TSHZ2: variants seen among roughly 807,000 people sequenced by gnomAD.
TSHZ2 encodes the protein teashirt homolog 2.
TSHZ2 carries 21 observed loss-of-function variants against 74.4 expected under a neutral mutation model. The observed-to-expected ratio is 0.28, with a 90% CI of 0.20 to 0.41. The LOEUF is 0.41. TSHZ2 is among the 10% of genes least tolerant of loss of function. The pLI, the probability that TSHZ2 is intolerant of heterozygous loss-of-function variation, is 1.00. For missense variants in TSHZ2, 1,244 were observed against 1,293.5 expected, an observed-to-expected ratio of 0.96 and a Z score of 0.59; for synonymous variants, 540 against 515.3, an observed-to-expected ratio of 1.05 and a Z score of -0.65.
chr20:53,432,564 G>A (rs1426766204), intron 2 of TSHZ2, among the ~76,000 whole-genome samples: 1 of 152,166 alleles, frequency 6.6e-6, no homozygotes, highest in Non-Finnish European at 1.5e-5. Flanking sequence ...TTTCCATAGT[G>A]ATTGTACTAA....
At chr20:53,159,795 A>C (rs973085897) in intron 1 of TSHZ2, among the ~76,000 whole-genome samples, 41 of 152,200 alleles carry the variant, frequency 2.7e-4, no homozygotes, top group African/African-American at 9.7e-4. Flanking sequence ...TTCATTTGAC[A>C]AATATTTATT....
chr20:53,463,483 G>C (rs1985463781), intron 2 of TSHZ2, among the ~76,000 whole-genome samples: 1 of 132,062 alleles, frequency 7.6e-6, no homozygotes, highest in Admixed American at 7.7e-5. Flanking sequence ...GGGGTAGGGA[G>C]AGGAAAGAAA....
chr20:53,347,057 C>T (rs1010820972), intron 2 of TSHZ2, among the ~76,000 whole-genome samples: 1 of 152,164 alleles, frequency 6.6e-6, no homozygotes, highest in Non-Finnish European at 1.5e-5. Context: ...TGAATGGGCT[C>T]CTGGGAAAGC....
chr20:53,409,928 ACT>A (rs957991971), intron 2 of TSHZ2, among the ~76,000 whole-genome samples: 2 of 132,340 alleles, frequency 1.5e-5, no homozygotes, highest in African/African-American at 6.0e-5. Context: ...CTCACTGCAA[ACT>A]CTGCCTCTTG....
In TSHZ2 at chr20:53,068,159, C is replaced by T. The variant is rs144318716; in HGVS notation, c.40+94826C>T. ...CTTAAGCTGATTACACCTGCAAAGA[C>T]CCTTCTTCTGAATAACGTCATATTC... On this transcript the variant is annotated intron_variant, in intron 1 of 2. Transcript: ENST00000371497. Among the ~76,000 whole-genome samples the T allele has an allele frequency of 1.1e-3, 165 of 152,286 alleles. No homozygotes were observed. In the Middle Eastern group the frequency reaches 0.017, roughly 16 times the overall value.
chr20:53,235,162 G>A (rs1404161505), intron 1 of TSHZ2, among the ~76,000 whole-genome samples: 3 of 149,978 alleles, frequency 2.0e-5, no homozygotes, highest in South Asian at 2.1e-4. Context: ...GGGGGAGGGC[G>A]TGTTTGTTTG....
chr20:53,200,124 C>T (rs1397400752), intron 1 of TSHZ2, among the ~76,000 whole-genome samples: 2 of 152,134 alleles, frequency 1.3e-5, no homozygotes, highest in African/African-American at 4.8e-5. Flanking sequence ...GGATTGGGTG[C>T]GATTGCCAGA....
intron 1 of TSHZ2, among the ~76,000 whole-genome samples, chr20:53,197,316 T>A (rs981242745): frequency 5.3e-5 from 8 of 152,234 alleles, no homozygotes; most frequent in African/African-American, 1.7e-4. Flanking sequence ...TTTTAATTTT[T>A]AAAAAAATTT....
intron 1 of TSHZ2, among the ~76,000 whole-genome samples, chr20:53,038,836 G>C (rs1382343470): frequency 6.7e-6 from 1 of 148,590 alleles, no homozygotes; most frequent in East Asian, 2.0e-4. Flanking sequence ...GTTCTTCTGG[G>C]TCCAAGGGCC....
At chr20:53,354,477 C>T (rs954984197) in intron 2 of TSHZ2, among the ~76,000 whole-genome samples, 5 of 152,172 alleles carry the variant, frequency 3.3e-5, no homozygotes, top group African/African-American at 7.2e-5. Context: ...TTAATTTAAG[C>T]ACAAGAAGAT....
chr20:53,393,944 G>A (rs1982353583), intron 2 of TSHZ2, among the ~76,000 whole-genome samples: 1 of 152,084 alleles, frequency 6.6e-6, no homozygotes, highest in Admixed American at 6.5e-5. Context: ...CATCTATTCA[G>A]GTGAGGTAGG....
At chr20:53,463,380 G>GAGGAAGGAAGGAAGGAAGGA (rs3042220) in intron 2 of TSHZ2, among the ~76,000 whole-genome samples, 37 of 68,632 alleles carry the variant, frequency 5.4e-4, no homozygotes, top group East Asian at 4.7e-3. Context: ...CAGAGAGAGA[G>GAGGAAGGAAGGAAGGAAGGA]AGGAAGGAAG....
intron 1 of TSHZ2, among the ~76,000 whole-genome samples, chr20:53,213,924 A>G (rs906442063): frequency 3.4e-4 from 52 of 152,284 alleles, no homozygotes; most frequent in African/African-American, 1.2e-3. Context: ...AAAATCAACA[A>G]CTATTTCCTG....
intron 2 of TSHZ2, among the ~76,000 whole-genome samples, chr20:53,462,985 G>C (rs1170021380): frequency 2.0e-5 from 3 of 152,144 alleles, no homozygotes; most frequent in Non-Finnish European, 2.9e-5. Context: ...GGGCCTCTCT[G>C]TTCATGTAAA....
At chr20:53,397,196 G>A (rs1982482931) in intron 2 of TSHZ2, among the ~76,000 whole-genome samples, 1 of 152,180 alleles carries the variant, frequency 6.6e-6, no homozygotes, top group Non-Finnish European at 1.5e-5. Flanking sequence ...GCAACCTACA[G>A]AATGGGAGAA....
chr20:53,131,132 A>G (rs751559708), intron 1 of TSHZ2, among the ~76,000 whole-genome samples: 6 of 152,250 alleles, frequency 3.9e-5, no homozygotes, highest in African/African-American at 2.4e-5. Context: ...TTATGATTTC[A>G]TCAAATGGAG....
At chr20:53,024,653 C>G (rs1311535298) in intron 1 of TSHZ2, among the ~76,000 whole-genome samples, 1 of 152,060 alleles carries the variant, frequency 6.6e-6, no homozygotes, top group Non-Finnish European at 1.5e-5. Context: ...CCTAGCCCCC[C>G]ACCCACCAAC....
chr20:53,093,848 T>C (rs137959406), intron 1 of TSHZ2, among the ~76,000 whole-genome samples: 3 of 152,344 alleles, frequency 2.0e-5, no homozygotes, highest in Non-Finnish European at 2.9e-5. Context: ...ATTATCATCA[T>C]GAATAAATCT....
At chr20:53,311,141 T>A (rs1978767221) in intron 2 of TSHZ2, among the ~76,000 whole-genome samples, 1 of 152,228 alleles carries the variant, frequency 6.6e-6, no homozygotes, top group Admixed American at 6.5e-5. Context: ...TCACAAGGTG[T>A]AAACTTCTAA....
Sources: gnomAD v4.1 joint callset for allele counts (sites outside exome capture counted in the v4.1 genomes callset) on GRCh38, gnomAD v4.1.1 for gene constraint, MANE v1.5 for transcripts, NCBI Gene and HGNC (gene_info 2026-07-23, HGNC 2026-07-21) for gene names.